The following COX17 variants were observed in gnomAD, a reference collection of about 807,000 sequenced individuals.
COX17 encodes the protein cytochrome c oxidase copper chaperone.
Under a neutral mutation model 6.3 loss-of-function variants are expected in COX17, and 1 was observed. The observed-to-expected ratio is 0.16, with a 90% CI of 0.06 to 0.75. The LOEUF (loss-of-function observed/expected upper bound fraction) is 0.75. Ranked by LOEUF, COX17 falls within the 30% of genes least tolerant of loss-of-function variation. The probability of loss-of-function intolerance (pLI) is 0.77; values close to 1 mark genes in which losing one functional copy is unlikely to be tolerated. For missense variants in COX17, 73 were observed against 81.2 expected (o/e 0.90, Z 0.39); for synonymous variants, 26 against 30.5 (o/e 0.85, Z 0.49).
downstream of COX17, among the ~76,000 whole-genome samples, chr3:119,665,478 G>A (rs773518816): frequency 6.6e-6 from 1 of 152,132 alleles, no homozygotes; most frequent in Non-Finnish European, 1.5e-5. Flanking sequence ...GGGTTCAAGC[G>A]ATCTTCTCAC....
Position 119,677,296 on chromosome 3 carries a change from A to G in COX17, c.15T>C (p.Val5=). Residue 5 remains valine, a synonymous_variant, in exon 1 of 3, where the codon GTT becomes GTC. Transcript: ENST00000261070. MPGL[V]DSNPAPPESQ... ...ACTCAGGCGGGGCAGGGTTTGAGTCAACCAGACCCGGCATCTTTCGCGCCA... is the reference window on the plus strand; with the variant it reads ...ACTCAGGCGGGGCAGGGTTTGAGTCGACCAGACCCGGCATCTTTCGCGCCA... 1 of 1,611,762 alleles carries G rather than the reference A, an allele frequency of 6.2e-7. No individual in the cohort carries two copies. The highest frequency in any genetic ancestry group is 8.5e-7 in the Non-Finnish European group (1 of 1,179,832).
At chr3:119,673,306 G>C (rs1459831126) in intron 2 of COX17, among the ~76,000 whole-genome samples, 1 of 152,138 alleles carries the variant, frequency 6.6e-6, no homozygotes, top group Non-Finnish European at 1.5e-5. Flanking sequence ...AGGTAGTGGG[G>C]ATATGACAGT....
chr3:119,677,025 G>GGGCGGGGC lies in COX17; in HGVS notation c.107+178_107+179insGCCCCGCC, dbSNP rs1281562369. On this transcript the variant is annotated intron_variant, in intron 1 of 2. Coordinates refer to ENST00000261070, the MANE Select transcript of COX17 (RefSeq NM_005694.2). ...CAATGGGGCGGGGCGGGGCGGGGCG[G>GGGCGGGGC]GGGGGGGGGGCAGACAGGGAGGAGG... The GGGCGGGGC allele has an allele frequency of 2.9e-3, 49 of 16,840 alleles. 1 individual carries two copies. The highest frequency in any genetic ancestry group is 0.016 in the South Asian group (17 of 1,090). 1.0% of individuals were successfully genotyped at this position (16,840 alleles called of 1,614,324 possible).
chr3:119,675,119 A>G, intron 2 of COX17, 26 bp downstream of exon 2: 1 of 1,506,336 alleles, frequency 6.6e-7, no homozygotes, highest in Non-Finnish European at 9.2e-7. Flanking sequence ...GTAAAGCAAT[A>G]CACAACTTTG....
downstream of COX17, among the ~76,000 whole-genome samples, chr3:119,668,946 G>A (rs1055815935): frequency 2.6e-5 from 4 of 152,022 alleles, no homozygotes; most frequent in Admixed American, 1.3e-4. Context: ...TTTGATTAGT[G>A]ACATTTAATA....
downstream of COX17, among the ~76,000 whole-genome samples, chr3:119,665,527 C>T (rs2052986304): frequency 6.6e-6 from 1 of 152,142 alleles, no homozygotes; most frequent in South Asian, 2.1e-4. Context: ...GCATGTACCA[C>T]CATGCCGAGC....
At chr3:119,664,373 C>T (rs1001170133) in intron 3 of COX17, among the ~76,000 whole-genome samples, 2 of 152,058 alleles carry the variant, frequency 1.3e-5, no homozygotes, top group African/African-American at 2.4e-5. Flanking sequence ...ATATTTTTTT[C>T]CACGAGAAAA....
intron 2 of COX17, among the ~76,000 whole-genome samples, chr3:119,671,160 G>C (rs2053039805): frequency 6.6e-6 from 1 of 152,166 alleles, no homozygotes; most frequent in African/African-American, 2.4e-5. Flanking sequence ...ACTTAGGCCA[G>C]TGGTTGTTAA....
chr3:119,675,514 C>T (rs2053090915), intron 1 of COX17: 2 of 314,128 alleles, frequency 6.4e-6, no homozygotes, highest in Non-Finnish European at 1.2e-5. Context: ...AGTAACACTG[C>T]TCTATAAAGA....
intron 2 of COX17, among the ~76,000 whole-genome samples, chr3:119,672,338 A>C (rs2053052565): frequency 6.6e-6 from 1 of 152,254 alleles, no homozygotes; most frequent in Non-Finnish European, 1.5e-5. Context: ...CCCTGATAAC[A>C]TAAAGAAAAC....
downstream of COX17, among the ~76,000 whole-genome samples, chr3:119,664,580 A>G (rs936989868): frequency 5.9e-5 from 9 of 152,214 alleles, no homozygotes; most frequent in African/African-American, 2.2e-4. Flanking sequence ...GAGGCAGGCG[A>G]GGCAGGCGGG....
In COX17 at chr3:119,677,212, G is replaced by C; in HGVS notation, c.99C>G (p.Arg33=). Residue 33 remains arginine, a synonymous_variant, in exon 1 of 3, where the codon CGC becomes CGG. Transcript: ENST00000261070. ...TCCGGCTGCGCACTGACCACGCATC[G>C]CGCGCCTTCTTGGTCTCCGGGCAAG... ...CCACPETKKA[R]DACIIEKGEE... 2 of 1,610,544 alleles carry C rather than the reference G, an allele frequency of 1.2e-6. No homozygotes were observed. Among genetic ancestry groups the C allele is most frequent in the African/African-American group, 1.3e-5 (1 of 74,958 alleles).
chr3:119,672,734 A>G (rs1426142815), intron 2 of COX17, among the ~76,000 whole-genome samples: 1 of 152,262 alleles, frequency 6.6e-6, no homozygotes, highest in Non-Finnish European at 1.5e-5. Context: ...TAGATATACC[A>G]TACTATATAT....
At chr3:119,668,817 A>G (rs2053016387), downstream of COX17, among the ~76,000 whole-genome samples, 1 of 152,050 alleles carries the variant, frequency 6.6e-6, no homozygotes. Context: ...TGTACTTACA[A>G]GCAGAATATG....
chr3:119,676,952 A>C (rs2280578), intron 1 of COX17: 218,999 of 685,672 alleles, frequency 0.32, 35,966 homozygotes, highest in Admixed American at 0.4. Context: ...GTCAACAGAG[A>C]CCCGACCACG....
At chr3:119,667,640 T>C (rs2053004039), downstream of COX17, among the ~76,000 whole-genome samples, 1 of 147,630 alleles carries the variant, frequency 6.8e-6, no homozygotes, top group South Asian at 2.2e-4. Context: ...AGACTTCTAT[T>C]GCAGTGTTAT....
In COX17 at chr3:119,677,185, T is replaced by C. The variant is rs1176338376; in HGVS notation, c.107+19A>G. On this transcript the variant is annotated intron_variant, in intron 1 of 2. Coordinates refer to ENST00000261070, the MANE Select transcript of COX17 (RefSeq NM_005694.2). The stretch of plus-strand genomic sequence containing the variant: ...GGCCCGGGGCTCGTCGGCCGCGCCC[T>C]CTCCGGCTGCGCACTGACCACGCAT... The C allele has an allele frequency of 2.5e-6, 4 of 1,597,902 alleles. No individual in the cohort carries two copies. Among genetic ancestry groups the C allele is most frequent in the East Asian group, 2.3e-5 (1 of 44,220 alleles).
At chr3:119,666,828 C>A (rs2052997353), downstream of COX17, 1 of 152,170 alleles carries the variant, frequency 6.6e-6, no homozygotes. Context: ...TAGACCTTCA[C>A]TAAGTATGCA....
At chr3:119,665,746 C>T (rs1271296411), downstream of COX17, among the ~76,000 whole-genome samples, 1 of 152,158 alleles carries the variant, frequency 6.6e-6, no homozygotes, top group Non-Finnish European at 1.5e-5. Context: ...AACTTCCTAA[C>T]AGGGAGGTAA....
Sources: gnomAD v4.1 joint callset for allele counts (sites outside exome capture counted in the v4.1 genomes callset) on GRCh38, gnomAD v4.1.1 for gene constraint, MANE v1.5 for transcripts, NCBI Gene and HGNC (gene_info 2026-07-23, HGNC 2026-07-21) for gene names.